The following HS2ST1 variants were observed in gnomAD, a reference collection of about 807,000 sequenced individuals.
HS2ST1 encodes the protein heparan sulfate 2-O-sulfotransferase 1, also known as 2-O-sulfotransferase.
A neutral mutation model predicts 42.9 loss-of-function variants in HS2ST1; 18 were observed. That is an observed-to-expected ratio of 0.42 (90% CI 0.29 to 0.62). HS2ST1 has a LOEUF of 0.62. HS2ST1 is among the 20% of genes least tolerant of loss of function. HS2ST1 has a pLI of 0.21. For synonymous variants in HS2ST1, 146 were observed against 152.9 expected (o/e 0.95, Z 0.33); for missense variants, 334 against 433.8 (o/e 0.77, Z 2.04).
chr1:87,065,714 T>A (rs183965633), intron 1 of HS2ST1, among the ~76,000 whole-genome samples: 2 of 152,356 alleles, frequency 1.3e-5, no homozygotes, highest in Non-Finnish European at 2.9e-5. Flanking sequence ...GTAGTGTTGC[T>A]CTGCTCTGTT....
intron 1 of HS2ST1, among the ~76,000 whole-genome samples, chr1:87,066,005 T>C (rs933147003): frequency 6.6e-6 from 1 of 152,218 alleles, no homozygotes; most frequent in Non-Finnish European, 1.5e-5. Context: ...TTACCCATAA[T>C]ATAGAACTAT....
At chr1:87,004,007 G>A (rs1423659691) in intron 1 of HS2ST1, among the ~76,000 whole-genome samples, 1 of 151,064 alleles carries the variant, frequency 6.6e-6, no homozygotes, top group Non-Finnish European at 1.5e-5. Context: ...TTTAACAATA[G>A]GATTCTCAAT....
chr1:87,072,626 C>T (rs916739215), intron 1 of HS2ST1, among the ~76,000 whole-genome samples: 1 of 152,068 alleles, frequency 6.6e-6, no homozygotes, highest in South Asian at 2.1e-4. Context: ...CCTTTTTGTT[C>T]TTGATATACA....
intron 1 of HS2ST1, among the ~76,000 whole-genome samples, chr1:87,019,152 T>A (rs1557517645): frequency 6.6e-6 from 1 of 152,234 alleles, no homozygotes; most frequent in South Asian, 2.1e-4. Context: ...CATCTGTTGA[T>A]GAGTTAAAAA....
rs138285579 is a variant in HS2ST1 at position 87,092,559 on chromosome 1, A to G, written c.478A>G (p.Ile160Val). The G allele has an allele frequency of 1.8e-4, 284 of 1,552,648 alleles. No homozygotes were observed. Among genetic ancestry groups the G allele is most frequent in the Non-Finnish European group, 2.4e-4 (272 of 1,156,436 alleles). ...KFGVKKKPIY[I>V]NVIRDPIERL... ...TGGTGTGAAGAAGAAACCAATTTAC[A>G]TTAATGTCATAAGGGATCCTATTGA... The change falls in exon 4 of 7, where the codon ATT becomes GTT. Residue 160 changes from isoleucine to valine, a missense_variant. Physicochemically the swap from Ile to Val is conservative, Grantham distance 29. Coordinates refer to ENST00000370550, the MANE Select transcript of HS2ST1 (RefSeq NM_012262.4).
At chr1:86,927,097 CT>C (rs1411416048) in intron 1 of HS2ST1, among the ~76,000 whole-genome samples, 2 of 152,110 alleles carry the variant, frequency 1.3e-5, no homozygotes, top group Non-Finnish European at 1.5e-5. Context: ...CACATTCTTG[CT>C]GGGTGTGGCT....
intron 1 of HS2ST1, among the ~76,000 whole-genome samples, chr1:87,027,034 T>A (rs1030072681): frequency 6.6e-6 from 1 of 152,194 alleles, no homozygotes; most frequent in Non-Finnish European, 1.5e-5. Context: ...TAGAAACAAT[T>A]TCTTCATATT....
At chr1:86,946,812 A>G (rs1647355454) in intron 1 of HS2ST1, among the ~76,000 whole-genome samples, 1 of 152,234 alleles carries the variant, frequency 6.6e-6, no homozygotes. Context: ...TCACTAACAA[A>G]AGACATTTGA....
chr1:86,932,014 T>C (rs532798328), intron 1 of HS2ST1, among the ~76,000 whole-genome samples: 76 of 152,148 alleles, frequency 5.0e-4, no homozygotes, highest in African/African-American at 1.8e-3. Flanking sequence ...CCTTTAATGA[T>C]CCTCCCATCT....
At chr1:87,078,210 CT>C (rs1651595794) in intron 2 of HS2ST1, among the ~76,000 whole-genome samples, 1 of 152,118 alleles carries the variant, frequency 6.6e-6, no homozygotes, top group Admixed American at 6.5e-5. Flanking sequence ...AAAACAAATG[CT>C]TTTGTTATCA....
chr1:87,018,132 CCACACACACACACACACACA>C (rs56401098), intron 1 of HS2ST1, among the ~76,000 whole-genome samples: 1 of 149,236 alleles, frequency 6.7e-6, no homozygotes, highest in East Asian at 1.9e-4. Context: ...TAAATAAAAG[CCACACACACACACACACACA>C]CACACACACA....
Position 86,918,152 on chromosome 1 carries a change from A to T in HS2ST1, c.124+2992A>T, listed in dbSNP as rs563749083. 4.6e-5 allele frequency among the ~76,000 whole-genome samples: 7 copies of T among 152,278 alleles called. No homozygotes were observed. In the South Asian group the frequency reaches 1.0e-3, roughly 23 times the overall value. The stretch of plus-strand genomic sequence containing the variant: ...GGTGAGACTTCTAATAGAGCAATAG[A>T]TGTATTCAAAACTGAGGTGTACTCA... On this transcript the variant is annotated intron_variant, in intron 1 of 6. Transcript: ENST00000370550.
At chr1:87,023,159 T>C (rs1361303214) in intron 1 of HS2ST1, among the ~76,000 whole-genome samples, 2 of 152,216 alleles carry the variant, frequency 1.3e-5, no homozygotes, top group South Asian at 2.1e-4. Flanking sequence ...ACTAATGAGT[T>C]GGTATAACTT....
At chr1:87,017,630 A>G (rs1180282428) in intron 1 of HS2ST1, among the ~76,000 whole-genome samples, 1 of 152,204 alleles carries the variant, frequency 6.6e-6, no homozygotes, top group Admixed American at 6.5e-5. Flanking sequence ...ACTTGTTAAA[A>G]ACAATTGGCT....
intron 3 of HS2ST1, among the ~76,000 whole-genome samples, chr1:87,086,515 T>C (rs1339157089): frequency 1.3e-5 from 2 of 152,174 alleles, no homozygotes; most frequent in African/African-American, 2.4e-5. Context: ...AAAATACTTA[T>C]TTAACACATA....
intron 1 of HS2ST1, among the ~76,000 whole-genome samples, chr1:87,002,438 C>T (rs1427483674): frequency 6.6e-6 from 1 of 151,396 alleles, no homozygotes; most frequent in Non-Finnish European, 1.5e-5. Flanking sequence ...ACAAAAATTA[C>T]AAAAAAATTA....
intron 1 of HS2ST1, among the ~76,000 whole-genome samples, chr1:86,985,364 A>AG (rs1648728715): frequency 1.7e-5 from 1 of 59,188 alleles, no homozygotes; most frequent in African/African-American, 4.1e-5. Context: ...AAAAAAAAAA[A>AG]AAAGTATATA....
chr1:87,097,480 A>T (rs919209941), intron 4 of HS2ST1, among the ~76,000 whole-genome samples: 1 of 151,784 alleles, frequency 6.6e-6, no homozygotes, highest in Non-Finnish European at 1.5e-5. Context: ...TGCAGCTTCC[A>T]CCTCCTGGGT....
At position 86,917,095 on chromosome 1, in the gene HS2ST1, C is replaced by T. The variant is rs189199130; in HGVS notation, c.124+1935C>T. 1.5e-3 allele frequency among the ~76,000 whole-genome samples: 221 copies of T among 152,262 alleles called. 1 individual carries two copies. The highest frequency in any genetic ancestry group is 5.1e-3 in the African/African-American group (210 of 41,552). The stretch of plus-strand genomic sequence containing the variant: ...ATGCATCAAAATCCTCCTGGGACTA[C>T]AGATGGGTATACCTGGGAGTACAGG... On this transcript the variant is annotated intron_variant, in intron 1 of 6. Transcript: ENST00000370550.
Sources: gnomAD v4.1 joint callset for allele counts (sites outside exome capture counted in the v4.1 genomes callset) on GRCh38, gnomAD v4.1.1 for gene constraint, MANE v1.5 for transcripts, NCBI Gene and HGNC (gene_info 2026-07-23, HGNC 2026-07-21) for gene names.